Variants in CCDC144A observed in about 807,000 individuals in gnomAD.
The protein encoded by CCDC144A is coiled-coil domain containing 144A, also known as coiled-coil domain-containing protein 144A.
Under a neutral mutation model 143.8 loss-of-function variants are expected in CCDC144A, and 41 were observed. That is an observed-to-expected ratio of 0.29 (90% confidence interval 0.22 to 0.37). The LOEUF is 0.37. Ranked by LOEUF, CCDC144A falls within the 10% of genes least tolerant of loss-of-function variation. The pLI, the probability that CCDC144A is intolerant of heterozygous loss-of-function variation, is 1.00. For synonymous variants in CCDC144A, 242 were observed against 517.9 expected (o/e 0.47, Z 7.23); for missense variants, 637 against 1,488.8 (o/e 0.43, Z 9.41).
At chr17:16,688,484 GTTTTTT>G (rs66493875), upstream of CCDC144A, among the ~76,000 whole-genome samples, 70 of 71,618 alleles carry the variant, frequency 9.8e-4, no homozygotes, top group African/African-American at 2.8e-3. Flanking sequence ...TTCTTTTTCT[GTTTTTT>G]TTTTTTTTTT....
rs772832373 is a variant in CCDC144A at position 16,709,286 on chromosome 17, G to A, written c.1229G>A (p.Gly410Asp). Residue 410 changes from glycine to aspartate, a missense_variant, in exon 5 of 17, where the codon GGC (glycine) becomes GAC (aspartate). By Grantham distance (94) the Gly-to-Asp change is moderately conservative. Transcript: ENST00000399273. ...GACTGCGACAATGATAACAAACCAG[G>A]CATTGGACATATTTTTAGTACAGAT... ...KLDCDNDNKP[G>D]IGHIFSTDKN... 6.2e-6 allele frequency: 10 copies of A among 1,611,490 alleles called. No homozygotes were observed. The highest frequency in any genetic ancestry group is 8.5e-6 in the Non-Finnish European group (10 of 1,179,638).
At chr17:16,749,513 TG>T (rs1252328444) in intron 12 of CCDC144A, among the ~76,000 whole-genome samples, 1 of 152,228 alleles carries the variant, frequency 6.6e-6, no homozygotes, top group African/African-American at 2.4e-5. Context: ...TCAAACATGT[TG>T]TTGATCTTGG....
At chr17:16,759,916 T>C (rs1312753537) in intron 12 of CCDC144A, among the ~76,000 whole-genome samples, 6 of 152,238 alleles carry the variant, frequency 3.9e-5, no homozygotes, top group African/African-American at 1.2e-4. Flanking sequence ...TCCCTTTTTC[T>C]TTACTTGGCA....
chr17:16,760,371 C>T (rs1915306435), intron 12 of CCDC144A, among the ~76,000 whole-genome samples: 1 of 146,006 alleles, frequency 6.8e-6, no homozygotes, highest in Non-Finnish European at 1.5e-5. Context: ...TCCAACTCAG[C>T]ACCATTGAAA....
At chr17:16,729,009 A>T (rs956389997) in intron 9 of CCDC144A, among the ~76,000 whole-genome samples, 1 of 152,170 alleles carries the variant, frequency 6.6e-6, no homozygotes, top group Non-Finnish European at 1.5e-5. Context: ...CCTTAGGTTG[A>T]TTCCGTATCT....
chr17:16,744,635 A>C (rs1198806956), intron 12 of CCDC144A, among the ~76,000 whole-genome samples: 1 of 151,960 alleles, frequency 6.6e-6, no homozygotes, highest in Non-Finnish European at 1.5e-5. Context: ...TTGTAAATAC[A>C]TTCTTTCATT....
chr17:16,688,782 C>T (rs913560587), upstream of CCDC144A, among the ~76,000 whole-genome samples: 1 of 152,046 alleles, frequency 6.6e-6, no homozygotes, highest in Non-Finnish European at 1.5e-5. Flanking sequence ...GCCACTGCGC[C>T]CGGCCACAGA....
rs1220767756 is a variant in CCDC144A, at chr17:16,737,088, G to GT, written c.3372+1446dup. Among the ~76,000 whole-genome samples the GT allele has an allele frequency of 3.3e-5, 5 of 149,266 alleles. No individual in the cohort carries two copies. The South Asian group carries it at 6.3e-4, about 19-fold the overall frequency. ...ACTAAATTCAGTAATAAACAAGAATGTGTGCACATGAGGAAAAGAAGGCGA... is the reference window on the plus strand; with the variant it reads ...ACTAAATTCAGTAATAAACAAGAATGTTGTGCACATGAGGAAAAGAAGGCGA... On this transcript the variant is annotated intron_variant, in intron 12 of 16. Coordinates refer to ENST00000399273, the MANE Select transcript of CCDC144A (RefSeq NM_001382000.1).
chr17:16,734,003 T>C (rs1260575970), intron 11 of CCDC144A, among the ~76,000 whole-genome samples: 1 of 151,956 alleles, frequency 6.6e-6, no homozygotes, highest in Non-Finnish European at 1.5e-5. Flanking sequence ...TAGCTGCGTG[T>C]GGGGGTGTGT....
chr17:16,741,221 A>G (rs991351409), intron 12 of CCDC144A, among the ~76,000 whole-genome samples: 1 of 152,262 alleles, frequency 6.6e-6, no homozygotes, highest in African/African-American at 2.4e-5. Context: ...TAAGTTCACC[A>G]ATCTGTGGCT....
chr17:16,746,050 G>A, intron 12 of CCDC144A: 1 of 1,610,538 alleles, frequency 6.2e-7, no homozygotes, highest in Non-Finnish European at 8.5e-7. Context: ...CTGCCGCTGT[G>A]TGACGTCTCC....
chr17:16,729,991 T>TATATATATATATATACACACAC (rs1491438660), intron 9 of CCDC144A, among the ~76,000 whole-genome samples: 46 of 114,856 alleles, frequency 4.0e-4, no homozygotes, highest in Non-Finnish European at 5.6e-4. Flanking sequence ...TATATATATA[T>TATATATATATATATACACACAC]ACACACATAC....
At position 16,711,576 on chromosome 17, in the gene CCDC144A, T is replaced by C. The variant is rs941873311; in HGVS notation, c.1579-103T>C. On this transcript the variant is annotated intron_variant, in intron 5 of 16. Transcript: ENST00000399273. ...AATATTTTAATGACTGAAATTATAA[T>C]TAAACTGAGTCAAGTGATGATGAAA... The C allele has an allele frequency of 6.4e-6, 10 of 1,552,970 alleles. No individual in the cohort carries two copies. In the African/African-American group the frequency reaches 1.1e-4, roughly 17 times the overall value.
intron 12 of CCDC144A, chr17:16,746,692 T>C: frequency 6.2e-7 from 1 of 1,612,028 alleles, no homozygotes; most frequent in African/African-American, 1.3e-5. Context: ...AGTCGTGTGC[T>C]GGCAGCGGGC....
intron 12 of CCDC144A, chr17:16,746,367 C>G: frequency 1.8e-5 from 23 of 1,302,314 alleles, no homozygotes; most frequent in Non-Finnish European, 2.4e-5. Flanking sequence ...TCTCGCTTCT[C>G]TTCTCGAATT....
At chr17:16,674,033 T>C in the CCDC144A span, among the ~76,000 whole-genome samples, 3 of 152,158 alleles carry the variant, frequency 2.0e-5, no homozygotes, top group Non-Finnish European at 4.4e-5. Flanking sequence ...AATCTAAAAA[T>C]ACAGGCCCAT....
Position 16,701,700 on chromosome 17 carries a change from A to G in CCDC144A, c.416-3451A>G, listed in dbSNP as rs1333513529. The stretch of plus-strand genomic sequence containing the variant: ...CTTTGTCCTTGCGTTTGTTTTCCTC[A>G]TGTTGTGTTCATCAGAACAGGATCT... On this transcript the variant is annotated intron_variant, in intron 2 of 16. Coordinates refer to ENST00000399273, the MANE Select transcript of CCDC144A (RefSeq NM_001382000.1). Among the ~76,000 whole-genome samples, 8 of 151,248 alleles carry G rather than the reference A, an allele frequency of 5.3e-5. No homozygotes were observed. In the East Asian group the frequency reaches 1.5e-3, roughly 29 times the overall value.
At chr17:16,671,561 A>G in the CCDC144A span, among the ~76,000 whole-genome samples, 1 of 152,018 alleles carries the variant, frequency 6.6e-6, no homozygotes, top group Admixed American at 6.6e-5. Context: ...AGTGACACAC[A>G]CACACACAAA....
chr17:16,772,115 A>T (rs1374111106), intron 16 of CCDC144A, 96 bp downstream of exon 16: 1 of 707,350 alleles, frequency 1.4e-6, no homozygotes, highest in Non-Finnish European at 2.4e-6. Flanking sequence ...GGGCTAGTAG[A>T]TACTACATTA....
Sources: allele counts gnomAD v4.1 joint callset (sites outside exome capture counted in the v4.1 genomes callset), GRCh38; gene constraint gnomAD v4.1.1; transcripts MANE v1.5; gene names NCBI Gene and HGNC (gene_info 2026-07-23, HGNC 2026-07-21).